DESI2: variants seen among roughly 807,000 people sequenced by gnomAD.
The protein encoded by DESI2 is deubiquitinase DESI2.
DESI2 carries 10 observed loss-of-function variants against 24.1 expected under a neutral mutation model. The ratio of observed to expected loss-of-function variants is 0.41; its 90% confidence interval spans 0.26 to 0.70. The LOEUF (loss-of-function observed/expected upper bound fraction) is 0.70, where lower values mean the gene tolerates loss of function less well. DESI2 is among the 30% of genes least tolerant of loss of function. The pLI, the probability that DESI2 is intolerant of heterozygous loss-of-function variation, is 0.29. For synonymous variants in DESI2, 71 were observed against 87.7 expected, an observed-to-expected ratio of 0.81 and a Z score of 1.06; for missense variants, 122 against 234.9, an observed-to-expected ratio of 0.52 and a Z score of 3.14.
At chr1:244,682,319 T>G (rs554723095) in intron 1 of DESI2, among the ~76,000 whole-genome samples, 13 of 152,156 alleles carry the variant, frequency 8.5e-5, no homozygotes, top group Non-Finnish European at 1.9e-4. Flanking sequence ...AGAGTGCTGA[T>G]TGGTGCATTT....
intron 1 of DESI2, 174 bp downstream of exon 1, chr1:244,653,529 C>G (rs764855702): frequency 8.9e-5 from 54 of 606,026 alleles, no homozygotes; most frequent in Non-Finnish European, 1.4e-4. Context: ...TCCTCGCACT[C>G]GTCGACGCTC....
intron 4 of DESI2, among the ~76,000 whole-genome samples, chr1:244,697,101 T>C (rs148321303): frequency 1.6e-4 from 25 of 152,322 alleles, no homozygotes; most frequent in African/African-American, 5.1e-4. Flanking sequence ...TGATTTTGTT[T>C]TGTACCTTTT....
chr1:244,663,326 G>A (rs10927295), intron 1 of DESI2, among the ~76,000 whole-genome samples: 58,509 of 151,580 alleles, frequency 0.39, 12,897 homozygotes, highest in Middle Eastern at 0.5. Context: ...ACAGGCGCCT[G>A]CCACCACGCC....
At chr1:244,659,471 A>G (rs1159625642) in intron 1 of DESI2, among the ~76,000 whole-genome samples, 3 of 152,160 alleles carry the variant, frequency 2.0e-5, no homozygotes, top group African/African-American at 7.2e-5. Context: ...AGTTGCTTAT[A>G]TTTGTAGGTC....
chr1:244,676,666 TTAAG>T (rs1447178965), intron 1 of DESI2, among the ~76,000 whole-genome samples: 5 of 151,592 alleles, frequency 3.3e-5, no homozygotes. Flanking sequence ...TCTTTCACCG[TTAAG>T]TATGATATTA....
intron 1 of DESI2, among the ~76,000 whole-genome samples, chr1:244,666,952 C>G (rs1558652858): frequency 6.6e-6 from 1 of 152,066 alleles, no homozygotes; most frequent in African/African-American, 2.4e-5. Flanking sequence ...TTCTTATTCA[C>G]TATCACGAGA....
intron 1 of DESI2, among the ~76,000 whole-genome samples, chr1:244,659,175 C>T (rs1191811320): frequency 7.6e-6 from 1 of 132,102 alleles, no homozygotes; most frequent in East Asian, 2.2e-4. Flanking sequence ...TGGCATTGTC[C>T]TCTTTTCTTT....
intron 4 of DESI2, among the ~76,000 whole-genome samples, chr1:244,695,137 T>C (rs893228798): frequency 6.6e-6 from 1 of 152,194 alleles, no homozygotes; most frequent in Non-Finnish European, 1.5e-5. Context: ...TGGTTTCAGA[T>C]AGAGGCAACA....
At chr1:244,690,920 T>A (rs1466124740) in intron 3 of DESI2, among the ~76,000 whole-genome samples, 1 of 152,244 alleles carries the variant, frequency 6.6e-6, no homozygotes, top group Non-Finnish European at 1.5e-5. Flanking sequence ...ACGTAAGTGC[T>A]ATGATACCAT....
chr1:244,661,656 G>A (rs1473580674), intron 1 of DESI2, among the ~76,000 whole-genome samples: 12 of 151,894 alleles, frequency 7.9e-5, no homozygotes, highest in East Asian at 1.9e-4. Context: ...GAGAACATGC[G>A]GTGTTTGGTT....
chr1:244,699,427 C>A (rs890958671), intron 4 of DESI2, among the ~76,000 whole-genome samples: 8 of 151,570 alleles, frequency 5.3e-5, no homozygotes, highest in Non-Finnish European at 1.5e-5. Flanking sequence ...ACTAAAAATA[C>A]AGAAATTAGC....
intron 1 of DESI2, among the ~76,000 whole-genome samples, chr1:244,656,998 C>T (rs1427514722): frequency 6.6e-6 from 1 of 152,156 alleles, no homozygotes; most frequent in African/African-American, 2.4e-5. Flanking sequence ...TTCTCAAATT[C>T]CTGTCCTCAA....
rs571687636 is a variant in DESI2 at position 244,677,196 on chromosome 1, T to C, written c.43-9401T>C. ...GTGAAGTCCCCTGGTCCTGGGCTTT[T>C]CTTTGTGGGTAGTGTTTAAATTACT... On this transcript the variant is annotated intron_variant, in intron 1 of 4. Coordinates refer to ENST00000302550, the MANE Select transcript of DESI2 (RefSeq NM_016076.5). Among the ~76,000 whole-genome samples the C allele has an allele frequency of 3.9e-5, 6 of 152,320 alleles. No homozygotes were observed. In the South Asian group the frequency reaches 1.2e-3, roughly 32 times the overall value.
chr1:244,658,678 C>G (rs1675734196), intron 1 of DESI2, among the ~76,000 whole-genome samples: 1 of 152,036 alleles, frequency 6.6e-6, no homozygotes. Context: ...ACTTAAATGG[C>G]ATGAAAAGAT....
chr1:244,699,273 TC>T (rs1677344082), intron 4 of DESI2, among the ~76,000 whole-genome samples: 1 of 152,114 alleles, frequency 6.6e-6, no homozygotes, highest in South Asian at 2.1e-4. Context: ...GGCATGTCTT[TC>T]TGGTTACATT....
intron 1 of DESI2, among the ~76,000 whole-genome samples, chr1:244,682,357 C>G (rs1384939909): frequency 6.6e-6 from 1 of 152,170 alleles, no homozygotes; most frequent in Admixed American, 6.5e-5. Flanking sequence ...CAGAAAAGTT[C>G]TCCAAGTCCC....
At chr1:244,666,726 C>G (rs1676059922) in intron 1 of DESI2, among the ~76,000 whole-genome samples, 1 of 152,076 alleles carries the variant, frequency 6.6e-6, no homozygotes, top group African/African-American at 2.4e-5. Context: ...TGTAGTGACC[C>G]TGAGGGCAGA....
At chr1:244,667,343 CAG>C (rs777867994) in intron 1 of DESI2, among the ~76,000 whole-genome samples, 11 of 152,032 alleles carry the variant, frequency 7.2e-5, no homozygotes, top group Non-Finnish European at 1.5e-4. Context: ...TTGGCCAAAA[CAG>C]AGGGGTTAAA....
chr1:244,667,976 A>G (rs1676105912), intron 1 of DESI2, among the ~76,000 whole-genome samples: 3 of 152,234 alleles, frequency 2.0e-5, no homozygotes, highest in Non-Finnish European at 4.4e-5. Flanking sequence ...GGACTATTTC[A>G]TTATGAAAGA....
Sources: allele counts gnomAD v4.1 joint callset (sites outside exome capture counted in the v4.1 genomes callset), GRCh38; gene constraint gnomAD v4.1.1; transcripts MANE v1.5; gene names NCBI Gene and HGNC (gene_info 2026-07-23, HGNC 2026-07-21).